FHIT: variants seen among roughly 807,000 people sequenced by gnomAD.
The protein encoded by FHIT is bis(5'-adenosyl)-triphosphatase.
Under a neutral mutation model 17.9 loss-of-function variants are expected in FHIT, and 19 were observed. The observed-to-expected ratio is 1.06, with a 90% confidence interval of 0.74 to 1.56. FHIT has a LOEUF of 1.56. FHIT is among the 40% of genes most tolerant of loss of function. The probability of loss-of-function intolerance (pLI) is 0.00; values close to 1 mark genes in which losing one functional copy is unlikely to be tolerated. For synonymous variants in FHIT, 81 were observed against 69.7 expected (o/e 1.16, Z -0.81); for missense variants, 248 against 189.2 (o/e 1.31, Z -1.82).
At chr3:60,744,268 C>CAAAAAAAAAAAAAAAAAAAAAA (rs374691493) in intron 4 of FHIT, among the ~76,000 whole-genome samples, 3 of 80,088 alleles carry the variant, frequency 3.7e-5, no homozygotes, top group Admixed American at 1.4e-4. Flanking sequence ...CAAAACAAAA[C>CAAAAAAAAAAAAAAAAAAAAAA]AAAAAAAAAA....
chr3:60,986,506 G>T (rs983194683), intron 3 of FHIT, among the ~76,000 whole-genome samples: 12 of 152,202 alleles, frequency 7.9e-5, no homozygotes, highest in African/African-American at 2.9e-4. Context: ...CCAAAGTGGA[G>T]AGGTATTGGT....
At chr3:60,704,281 CA>C (rs1371221912) in intron 4 of FHIT, among the ~76,000 whole-genome samples, 1 of 152,130 alleles carries the variant, frequency 6.6e-6, no homozygotes, top group Non-Finnish European at 1.5e-5. Flanking sequence ...AAAGTCTTAT[CA>C]AAAGTATGCT....
intron 4 of FHIT, among the ~76,000 whole-genome samples, chr3:60,634,565 T>C (rs1361584730): frequency 3.3e-5 from 5 of 152,158 alleles, no homozygotes; most frequent in African/African-American, 1.2e-4. Context: ...TCAATAGACG[T>C]TGGCCTTTTT....
intron 3 of FHIT, among the ~76,000 whole-genome samples, chr3:61,000,894 G>A (rs191877755): frequency 1.2e-4 from 18 of 152,112 alleles, no homozygotes; most frequent in African/African-American, 4.3e-4. Flanking sequence ...TGAGGCCCTA[G>A]GCCATCCCAA....
chr3:61,122,733 C>A (rs892875116), intron 2 of FHIT, among the ~76,000 whole-genome samples: 1 of 152,062 alleles, frequency 6.6e-6, no homozygotes. Flanking sequence ...TTTATGTGGA[C>A]AACAAACATA....
rs537693585 is a variant in FHIT at position 59,931,587 on chromosome 3, A to G, written c.280-9173T>C. 1.5e-3 allele frequency among the ~76,000 whole-genome samples: 236 copies of G among 152,294 alleles called. 1 individual carries two copies. The highest frequency in any genetic ancestry group is 3.4e-3 in the Middle Eastern group (1 of 294). ...CAGGCAGTTGGTATGCCTTTCAGGA[A>G]ACAGAGGAAACATAGTGCTTTTCAT... On this transcript the variant is annotated intron_variant, in intron 7 of 9. Transcript: ENST00000492590.
intron 3 of FHIT, among the ~76,000 whole-genome samples, chr3:60,929,162 C>T (rs1553770957): frequency 6.6e-6 from 1 of 152,000 alleles, no homozygotes; most frequent in Non-Finnish European, 1.5e-5. Context: ...CAAAATTCAA[C>T]CCTTCATGCT....
In FHIT at chr3:60,575,193, G is replaced by A. The variant is rs547586724; in HGVS notation, c.-17-38214C>T. Among the ~76,000 whole-genome samples, 9 of 152,266 alleles carry A rather than the reference G, an allele frequency of 5.9e-5. No individual in the cohort carries two copies. The South Asian group carries it at 8.3e-4, about 14-fold the overall frequency. On this transcript the variant is annotated intron_variant, in intron 4 of 9. Transcript: ENST00000492590. ...GAAAGCGACTGTTGGACTTGGCTGA[G>A]TAGGTTGATAGCAAGCTAGTAAGAA...
At chr3:59,755,343 T>TCCTAGAAGATC (rs1407606821) in intron 8 of FHIT, among the ~76,000 whole-genome samples, 1 of 152,196 alleles carries the variant, frequency 6.6e-6, no homozygotes, top group African/African-American at 2.4e-5. Context: ...AAGACTTGTG[T>TCCTAGAAGATC]CCTAGAAGAT....
intron 4 of FHIT, among the ~76,000 whole-genome samples, chr3:60,782,303 T>TA (rs1700422924): frequency 6.6e-6 from 1 of 151,330 alleles, no homozygotes; most frequent in Admixed American, 6.6e-5. Flanking sequence ...ATGGCAATAA[T>TA]AAAAAGATGA....
At chr3:61,221,169 C>T (rs2039826502) in intron 1 of FHIT, among the ~76,000 whole-genome samples, 1 of 152,226 alleles carries the variant, frequency 6.6e-6, no homozygotes. Flanking sequence ...TGTGCCACCC[C>T]AACAGGACTG....
intron 5 of FHIT, among the ~76,000 whole-genome samples, chr3:60,194,401 G>A (rs1034413085): frequency 1.1e-4 from 16 of 151,994 alleles, no homozygotes; most frequent in African/African-American, 2.4e-4. Flanking sequence ...AGAATTAAAC[G>A]GGATCCTTAT....
chr3:61,216,708 A>G (rs890714396), intron 1 of FHIT, among the ~76,000 whole-genome samples: 6 of 152,190 alleles, frequency 3.9e-5, no homozygotes, highest in African/African-American at 4.8e-5. Context: ...TGTTTATTGC[A>G]GCACTATTCA....
At chr3:61,139,802 G>A (rs528528207) in intron 2 of FHIT, among the ~76,000 whole-genome samples, 2 of 151,908 alleles carry the variant, frequency 1.3e-5, no homozygotes, top group Non-Finnish European at 2.9e-5. Flanking sequence ...AAGGAATGCT[G>A]GTACTTTAAG....
intron 1 of FHIT, among the ~76,000 whole-genome samples, chr3:61,235,404 T>G (rs1316071288): frequency 6.6e-6 from 1 of 152,108 alleles, no homozygotes; most frequent in Non-Finnish European, 1.5e-5. Context: ...CTTAGTTCAG[T>G]GCCTGGCCAT....
chr3:60,187,780 T>C (rs1013142780), intron 5 of FHIT, among the ~76,000 whole-genome samples: 6 of 152,214 alleles, frequency 3.9e-5, no homozygotes, highest in African/African-American at 1.4e-4. Flanking sequence ...ATTGTGCTCC[T>C]AATTTAATTC....
intron 4 of FHIT, among the ~76,000 whole-genome samples, chr3:60,705,768 T>C (rs2107920997): frequency 6.6e-6 from 1 of 152,274 alleles, no homozygotes; most frequent in Middle Eastern, 3.4e-3. Flanking sequence ...ACAGCTCAGT[T>C]AAGAAGCTAC....
intron 3 of FHIT, among the ~76,000 whole-genome samples, chr3:60,964,645 C>G (rs1657825725): frequency 6.6e-6 from 1 of 152,152 alleles, no homozygotes; most frequent in South Asian, 2.1e-4. Context: ...CAAAGTCTCT[C>G]AGCATTTGCT....
intron 5 of FHIT, among the ~76,000 whole-genome samples, chr3:60,352,077 G>A (rs1699435248): frequency 6.6e-6 from 1 of 152,046 alleles, no homozygotes; most frequent in Admixed American, 6.6e-5. Context: ...AGAAACCATG[G>A]CTCTCATTTT....
Sources: gnomAD v4.1 joint callset for allele counts (sites outside exome capture counted in the v4.1 genomes callset) on GRCh38, gnomAD v4.1.1 for gene constraint, MANE v1.5 for transcripts, NCBI Gene and HGNC (gene_info 2026-07-23, HGNC 2026-07-21) for gene names.